The following SEMA5A variants were observed in gnomAD, a reference collection of about 807,000 sequenced individuals.
SEMA5A encodes semaphorin-5A.
A neutral mutation model predicts 135.5 loss-of-function variants in SEMA5A; 55 were observed. The observed-to-expected ratio is 0.41, with a 90% CI of 0.33 to 0.51. SEMA5A has a LOEUF of 0.51. SEMA5A is among the 20% of genes least tolerant of loss of function. The probability of loss-of-function intolerance (pLI) is 0.37; values close to 1 mark genes in which losing one functional copy is unlikely to be tolerated. For synonymous variants in SEMA5A, 580 were observed against 546.5 expected (o/e 1.06, Z -0.85); for missense variants, 1,290 against 1,419.9 (o/e 0.91, Z 1.47).
rs67211847 is a variant in SEMA5A, at chr5:9,384,619, C to CATAG, written c.-77-4600_-77-4597dup. Among the ~76,000 whole-genome samples, 577 of 85,810 alleles carry CATAG rather than the reference C, an allele frequency of 6.7e-3. 30 individuals carry two copies. The highest frequency in any genetic ancestry group is 9.9e-3 in the South Asian group (22 of 2,216). 56.3% of individuals were successfully genotyped at this position (85,810 alleles called of 152,430 possible). The stretch of plus-strand genomic sequence containing the variant: ...AGATAGATAGATAGATAGATAGATA[C>CATAG]ATAGATAGATAGATAGATAGATAGA... On this transcript the variant is annotated intron_variant, in intron 2 of 22. Coordinates refer to ENST00000382496, the MANE Select transcript of SEMA5A (RefSeq NM_003966.3).
chr5:9,230,151 T>C (rs1320804655), intron 6 of SEMA5A, among the ~76,000 whole-genome samples: 2 of 145,214 alleles, frequency 1.4e-5, no homozygotes, highest in African/African-American at 2.6e-5. Context: ...CCCCTGGCTA[T>C]TTTTTTCTTT....
chr5:9,379,467 A>G (rs1213540266), intron 3 of SEMA5A, among the ~76,000 whole-genome samples: 1 of 152,210 alleles, frequency 6.6e-6, no homozygotes, highest in Admixed American at 6.5e-5. Context: ...GAAATGCCAT[A>G]GTGAAGAATT....
chr5:9,390,886 C>T (rs918901771), intron 2 of SEMA5A: 1 of 152,166 alleles, frequency 6.6e-6, no homozygotes. Context: ...TTACAGGTTT[C>T]CTGAAATAGA....
intron 5 of SEMA5A, among the ~76,000 whole-genome samples, chr5:9,251,813 C>T (rs1239858839): frequency 6.6e-6 from 1 of 152,206 alleles, no homozygotes. Flanking sequence ...AATGAATCAA[C>T]TCCTGATGGG....
At chr5:9,201,522 G>C (rs1272778755) in intron 9 of SEMA5A, among the ~76,000 whole-genome samples, 1 of 152,186 alleles carries the variant, frequency 6.6e-6, no homozygotes, top group East Asian at 1.9e-4. Flanking sequence ...ATATGAGCAA[G>C]GTTTAAGCAA....
intron 3 of SEMA5A, among the ~76,000 whole-genome samples, chr5:9,346,966 C>T (rs916920663): frequency 2.0e-5 from 3 of 151,628 alleles, no homozygotes; most frequent in Admixed American, 2.0e-4. Context: ...ATATTATAGA[C>T]ACTTAATAGA....
At chr5:9,317,914 T>G (rs1752461957) in intron 5 of SEMA5A, among the ~76,000 whole-genome samples, 1 of 152,248 alleles carries the variant, frequency 6.6e-6, no homozygotes, top group South Asian at 2.1e-4. Context: ...TTTTGATCTA[T>G]TTCCCTTTAT....
chr5:9,485,839 G>A (rs2126789030), intron 1 of SEMA5A, among the ~76,000 whole-genome samples: 1 of 152,260 alleles, frequency 6.6e-6, no homozygotes, highest in Middle Eastern at 3.4e-3. Flanking sequence ...GACACATGCA[G>A]AAACAGGGTT....
At chr5:9,131,323 T>C (rs530345416) in intron 13 of SEMA5A, among the ~76,000 whole-genome samples, 2 of 151,896 alleles carry the variant, frequency 1.3e-5, no homozygotes, top group South Asian at 4.2e-4. Flanking sequence ...AACAACCAAC[T>C]CTCAGCTGGG....
intron 11 of SEMA5A, among the ~76,000 whole-genome samples, chr5:9,165,752 AT>A (rs1462594938): frequency 7.9e-5 from 12 of 152,244 alleles, no homozygotes; most frequent in African/African-American, 2.9e-4. Flanking sequence ...CGAGGTAATG[AT>A]GAAATACCCG....
At chr5:9,298,432 G>A (rs546216018) in intron 5 of SEMA5A, among the ~76,000 whole-genome samples, 13 of 152,290 alleles carry the variant, frequency 8.5e-5, no homozygotes, top group Non-Finnish European at 1.5e-4. Flanking sequence ...GAACTGTGAG[G>A]TCATCCATTT....
chr5:9,316,055 T>C (rs761017348), intron 5 of SEMA5A, among the ~76,000 whole-genome samples: 4 of 152,174 alleles, frequency 2.6e-5, no homozygotes, highest in Non-Finnish European at 5.9e-5. Context: ...TTGGCATTTG[T>C]TTACTCATTT....
At chr5:9,062,076 C>T (rs1403221615) in intron 18 of SEMA5A, among the ~76,000 whole-genome samples, 1 of 152,102 alleles carries the variant, frequency 6.6e-6, no homozygotes, top group Non-Finnish European at 1.5e-5. Flanking sequence ...CCGGCTTTTC[C>T]ATCAGGCACA....
chr5:9,249,768 G>A (rs1015568847), intron 5 of SEMA5A, among the ~76,000 whole-genome samples: 6 of 152,152 alleles, frequency 3.9e-5, no homozygotes, highest in African/African-American at 1.4e-4. Flanking sequence ...GGGAGGTCAA[G>A]GCTTGAGCTG....
chr5:9,431,690 T>G (rs1579529930), intron 2 of SEMA5A, among the ~76,000 whole-genome samples: 1 of 152,184 alleles, frequency 6.6e-6, no homozygotes, highest in Admixed American at 6.5e-5. Context: ...GTCGTTTTTA[T>G]GCCCTCAGGA....
chr5:9,412,269 C>T (rs1757126692), intron 2 of SEMA5A, among the ~76,000 whole-genome samples: 1 of 151,736 alleles, frequency 6.6e-6, no homozygotes, highest in Admixed American at 6.6e-5. Context: ...CTTTCTACCT[C>T]CCCCTTCTGC....
chr5:9,300,860 C>T (rs1169334804), intron 5 of SEMA5A, among the ~76,000 whole-genome samples: 1 of 152,178 alleles, frequency 6.6e-6, no homozygotes, highest in Non-Finnish European at 1.5e-5. Flanking sequence ...GCCACTAGAA[C>T]TGGAAAAGGC....
At chr5:9,370,900 A>AT (rs1344556763) in intron 3 of SEMA5A, among the ~76,000 whole-genome samples, 2 of 152,234 alleles carry the variant, frequency 1.3e-5, no homozygotes, top group East Asian at 1.9e-4. Context: ...TAAAATAAGG[A>AT]TTTTTATCTA....
chr5:9,140,984 T>C (rs1742037493), intron 12 of SEMA5A, among the ~76,000 whole-genome samples: 1 of 152,166 alleles, frequency 6.6e-6, no homozygotes, highest in Non-Finnish European at 1.5e-5. Flanking sequence ...TGTAATAACA[T>C]CTCTTTCTTC....
Sources: gnomAD v4.1 joint callset for allele counts (sites outside exome capture counted in the v4.1 genomes callset) on GRCh38, gnomAD v4.1.1 for gene constraint, MANE v1.5 for transcripts, NCBI Gene and HGNC (gene_info 2026-07-23, HGNC 2026-07-21) for gene names.